The following ARHGAP39 variants were observed in gnomAD, a reference collection of about 807,000 sequenced individuals.
ARHGAP39 encodes the protein rho GTPase-activating protein 39.
In ARHGAP39, 44 loss-of-function variants were observed where a neutral mutation model predicts 106.9. The ratio of observed to expected loss-of-function variants is 0.41; its 90% CI spans 0.32 to 0.53. The LOEUF is 0.53. Ranked by LOEUF, ARHGAP39 falls within the 20% of genes least tolerant of loss-of-function variation. ARHGAP39 has a pLI of 0.21. For missense variants in ARHGAP39, 1,496 were observed against 1,577.3 expected (o/e 0.95, Z 0.87); for synonymous variants, 768 against 693.2 (o/e 1.11, Z -1.69).
chr8:144,557,983 T>C (rs897602804), intron 3 of ARHGAP39, among the ~76,000 whole-genome samples: 1 of 152,240 alleles, frequency 6.6e-6, no homozygotes, highest in Non-Finnish European at 1.5e-5. Flanking sequence ...AACAATCGAA[T>C]GAGAAACTTC....
intron 3 of ARHGAP39, among the ~76,000 whole-genome samples, chr8:144,562,445 G>GACCCCAGTGGTTTCCATCGC (rs1818223499): frequency 1.6e-5 from 2 of 126,648 alleles, no homozygotes; most frequent in Non-Finnish European, 3.1e-5. Context: ...GTTTCCATCG[G>GACCCCAGTGGTTTCCATCGC]ACTCCAGTGG....
chr8:144,665,470 C>T (rs1356888795), intron 1 of ARHGAP39, among the ~76,000 whole-genome samples: 1 of 152,226 alleles, frequency 6.6e-6, no homozygotes, highest in African/African-American at 2.4e-5. Context: ...CAGAGACCTT[C>T]ATGGCAGCCC....
chr8:144,653,690 C>T (rs1318517501), intron 1 of ARHGAP39, among the ~76,000 whole-genome samples: 1 of 152,150 alleles, frequency 6.6e-6, no homozygotes, highest in Admixed American at 6.5e-5. Flanking sequence ...AGCCACAGCT[C>T]GGGTCATGAC....
intron 2 of ARHGAP39, among the ~76,000 whole-genome samples, chr8:144,584,588 C>G (rs112329611): frequency 8.3e-4 from 126 of 152,184 alleles, no homozygotes; most frequent in African/African-American, 2.8e-3. Flanking sequence ...CATGGTGAAA[C>G]CCCGTCTCTA....
intron 1 of ARHGAP39, among the ~76,000 whole-genome samples, chr8:144,682,263 A>AAAG: frequency 8.5e-6 from 1 of 117,536 alleles, no homozygotes; most frequent in Admixed American, 9.2e-5. Context: ...AAAAAAAAAA[A>AAAG]AAAAGGCCGG....
At chr8:144,574,041 C>T (rs949191323) in intron 3 of ARHGAP39, among the ~76,000 whole-genome samples, 12 of 151,212 alleles carry the variant, frequency 7.9e-5, no homozygotes, top group Non-Finnish European at 1.5e-4. Flanking sequence ...GGCATGGTGG[C>T]GCCCCCCTGT....
intron 3 of ARHGAP39, among the ~76,000 whole-genome samples, chr8:144,567,131 A>G (rs961838657): frequency 6.6e-6 from 1 of 152,240 alleles, no homozygotes; most frequent in Non-Finnish European, 1.5e-5. Context: ...GATAAAATAT[A>G]TAAAATAAGA....
intron 1 of ARHGAP39, among the ~76,000 whole-genome samples, chr8:144,663,995 T>C (rs778777653): frequency 6.6e-6 from 1 of 152,062 alleles, no homozygotes. Context: ...GGTGAAAGCC[T>C]GTCGCTACGA....
At chr8:144,642,224 C>A (rs926465104) in intron 1 of ARHGAP39, among the ~76,000 whole-genome samples, 1 of 152,120 alleles carries the variant, frequency 6.6e-6, no homozygotes, top group African/African-American at 2.4e-5. Context: ...GTGGCTCAGG[C>A]CTGTTAATCC....
rs1821384798 is a variant in ARHGAP39 at position 144,644,219 on chromosome 8, T to C, written c.-81-38524A>G. ...ACGGTGGACCCACTCAATGCGATGC[T>C]TCAGCCATAGAGAGGGATTGGCTCT... On this transcript the variant is annotated intron_variant, in intron 1 of 11. Coordinates refer to ENST00000377307, the MANE Select transcript of ARHGAP39 (RefSeq NM_025251.3). This position sits in a 1 kb window ranked among gnomAD's most constrained non-coding sequence, Gnocchi z 4.8. Among the ~76,000 whole-genome samples the C allele has an allele frequency of 6.6e-6, 1 of 152,156 alleles. No homozygotes were observed.
At chr8:144,616,690 C>T (rs1820646312) in intron 1 of ARHGAP39, among the ~76,000 whole-genome samples, 1 of 152,220 alleles carries the variant, frequency 6.6e-6, no homozygotes, top group Non-Finnish European at 1.5e-5. Context: ...CATCCAGGTG[C>T]GGCACAGTGG....
At chr8:144,590,413 C>T (rs1819347351) in intron 2 of ARHGAP39, among the ~76,000 whole-genome samples, 1 of 152,162 alleles carries the variant, frequency 6.6e-6, no homozygotes, top group South Asian at 2.1e-4. Flanking sequence ...GCCGTCTTCT[C>T]GACTGTGAGT....
intron 3 of ARHGAP39, among the ~76,000 whole-genome samples, chr8:144,561,704 A>AGTGGTTTCCATCC (rs1818172280): frequency 7.3e-6 from 1 of 136,072 alleles, no homozygotes; most frequent in African/African-American, 3.2e-5. Context: ...GGTTTCCATC[A>AGTGGTTTCCATCC]CACTCCAGTG....
At chr8:144,543,207 C>T (rs988819824) in intron 6 of ARHGAP39, among the ~76,000 whole-genome samples, 1 of 152,114 alleles carries the variant, frequency 6.6e-6, no homozygotes, top group African/African-American at 2.4e-5. Context: ...AACTCCCAGG[C>T]TCAAGGGATC....
chr8:144,691,140 C>A, the ARHGAP39 span, among the ~76,000 whole-genome samples: 12 of 152,296 alleles, frequency 7.9e-5, no homozygotes, highest in East Asian at 1.5e-3. Flanking sequence ...AGTGTGCAGA[C>A]CTTGGCTCAG....
At chr8:144,596,851 A>G (rs1222325670) in intron 2 of ARHGAP39, among the ~76,000 whole-genome samples, 4 of 152,054 alleles carry the variant, frequency 2.6e-5, no homozygotes, top group Admixed American at 2.0e-4. Flanking sequence ...AGGGTACCAC[A>G]CCCCTAAGCA....
At chr8:144,575,113 T>C (rs1055055899) in intron 3 of ARHGAP39, among the ~76,000 whole-genome samples, 25 of 152,132 alleles carry the variant, frequency 1.6e-4, no homozygotes, top group African/African-American at 6.0e-4. Context: ...ACAGTAAAAA[T>C]ATGGTATAAA....
At chr8:144,590,393 A>C (rs536969654) in intron 2 of ARHGAP39, among the ~76,000 whole-genome samples, 1 of 152,268 alleles carries the variant, frequency 6.6e-6, no homozygotes, top group East Asian at 1.9e-4. Context: ...CAGACCCCTC[A>C]TGGCTCAGTG....
intron 1 of ARHGAP39, among the ~76,000 whole-genome samples, 167 bp downstream of exon 1, chr8:144,685,519 C>T (rs1226813410): frequency 6.7e-6 from 1 of 148,894 alleles, no homozygotes; most frequent in Non-Finnish European, 1.5e-5. Flanking sequence ...CTCCACGGCC[C>T]AGTCACAGCC....
Sources: gnomAD v4.1 joint callset for allele counts (sites outside exome capture counted in the v4.1 genomes callset) on GRCh38, gnomAD v4.1.1 for gene constraint, Gnocchi (gnomAD v3.1) non-coding constraint, MANE v1.5 for transcripts, NCBI Gene and HGNC (gene_info 2026-07-23, HGNC 2026-07-21) for gene names.